SLC36A1: variants seen among roughly 807,000 people sequenced by gnomAD.
SLC36A1 encodes proton-coupled amino acid transporter 1.
SLC36A1 carries 30 observed loss-of-function variants against 47.5 expected under a neutral mutation model. The observed-to-expected ratio is 0.63, with a 90% CI of 0.47 to 0.86. The LOEUF (loss-of-function observed/expected upper bound fraction) is 0.86. Among genes scored for constraint, SLC36A1 ranks in the 40% least tolerant of loss-of-function variants. The pLI is 0.00. For missense variants in SLC36A1, 517 were observed against 606.0 expected, an observed-to-expected ratio of 0.85 and a Z score of 1.54; for synonymous variants, 255 against 249.7, an observed-to-expected ratio of 1.02 and a Z score of -0.20.
the SLC36A1 span, among the ~76,000 whole-genome samples, chr5:151,426,296 T>A: frequency 6.6e-6 from 1 of 151,464 alleles, no homozygotes; most frequent in Admixed American, 6.6e-5. Context: ...ATGGAGGACC[T>A]GCGCCAGCAC....
chr5:151,466,205 T>A (rs552561138), intron 5 of SLC36A1, among the ~76,000 whole-genome samples: 42 of 152,308 alleles, frequency 2.8e-4, no homozygotes, highest in African/African-American at 8.4e-4. Flanking sequence ...TTTCCTTCCT[T>A]CCTTTTAATA....
intron 7 of SLC36A1, among the ~76,000 whole-genome samples, chr5:151,471,115 C>T (rs1422063682): frequency 6.6e-6 from 1 of 152,180 alleles, no homozygotes; most frequent in Non-Finnish European, 1.5e-5. Flanking sequence ...ATCATTGATA[C>T]ATTCTTAGAA....
At chr5:151,521,764 G>A in the SLC36A1 span, 2 of 1,614,130 alleles carry the variant, frequency 1.2e-6, no homozygotes, top group Non-Finnish European at 1.7e-6. Context: ...AGCAGTCGTG[G>A]TGAAGGTCCC....
chr5:151,354,762 A>G, the SLC36A1 span, among the ~76,000 whole-genome samples: 82,332 of 152,006 alleles, frequency 0.54, 25,296 homozygotes, highest in African/African-American at 0.85. Flanking sequence ...TCTAGATTGG[A>G]ACCCCTGCAC....
At chr5:151,465,853 T>C (rs1474581482) in intron 5 of SLC36A1, among the ~76,000 whole-genome samples, 1 of 152,040 alleles carries the variant, frequency 6.6e-6, no homozygotes, top group Non-Finnish European at 1.5e-5. Flanking sequence ...AATTTCTCGT[T>C]ATGGTAACTC....
chr5:151,440,970 C>T (rs1382787404), intron 1 of SLC36A1, among the ~76,000 whole-genome samples: 1 of 152,228 alleles, frequency 6.6e-6, no homozygotes, highest in Non-Finnish European at 1.5e-5. Flanking sequence ...CACGAGAGAG[C>T]ATCAGACTCT....
At chr5:151,447,515 A>G (rs62377526), upstream of SLC36A1, 35,344 of 152,258 alleles carry the variant, frequency 0.23, 4,427 homozygotes, top group African/African-American at 0.31. Flanking sequence ...TGTGGAGCAG[A>G]GCTCCGGAGC....
chr5:151,455,835 T>C (rs536454126), intron 1 of SLC36A1, among the ~76,000 whole-genome samples: 2 of 152,216 alleles, frequency 1.3e-5, no homozygotes, highest in Admixed American at 1.3e-4. Flanking sequence ...ACAAAGTGAC[T>C]TGACAGGAAT....
At chr5:151,417,161 T>C in the SLC36A1 span, among the ~76,000 whole-genome samples, 16 of 152,196 alleles carry the variant, frequency 1.1e-4, no homozygotes, top group African/African-American at 3.1e-4. Context: ...ACCGAGGTAG[T>C]GGAGCACTGC....
the SLC36A1 span, among the ~76,000 whole-genome samples, chr5:151,352,069 T>TA: frequency 9.2e-5 from 14 of 152,358 alleles, no homozygotes; most frequent in African/African-American, 3.4e-4. Context: ...CCTCCTTGGA[T>TA]ACTGCATTTG....
At chr5:151,477,607 T>C (rs780157822) in intron 9 of SLC36A1, 3 of 152,276 alleles carry the variant, frequency 2.0e-5, no homozygotes, top group East Asian at 1.9e-4. Flanking sequence ...TTTTATATTC[T>C]TTTTCAGTTG....
At chr5:151,525,989 G>A in the SLC36A1 span, 1 of 1,611,318 alleles carries the variant, frequency 6.2e-7, no homozygotes. Context: ...TGACAAAGAA[G>A]GCAAAGAGCA....
At chr5:151,505,727 C>T in the SLC36A1 span, 1 of 1,613,954 alleles carries the variant, frequency 6.2e-7, no homozygotes, top group South Asian at 1.1e-5. Flanking sequence ...TACCCACCCC[C>T]TTGTAGCCCC....
the SLC36A1 span, among the ~76,000 whole-genome samples, chr5:151,346,813 A>G: frequency 1.3e-5 from 2 of 152,186 alleles, no homozygotes; most frequent in South Asian, 2.1e-4. Context: ...AGAGTCATCT[A>G]TGCTTCTCAG....
chr5:151,443,673 A>C (rs1752758226), upstream of SLC36A1, among the ~76,000 whole-genome samples: 1 of 152,178 alleles, frequency 6.6e-6, no homozygotes, highest in Non-Finnish European at 1.5e-5. Flanking sequence ...AGTTTGATAT[A>C]GTCCTATTTA....
the SLC36A1 span, chr5:151,542,871 C>G: frequency 6.2e-7 from 1 of 1,614,090 alleles, no homozygotes. Context: ...CCATGGGCTT[C>G]CTCACCTTTA....
At chr5:151,555,350 T>TTACTA in the SLC36A1 span, among the ~76,000 whole-genome samples, 77 of 151,842 alleles carry the variant, frequency 5.1e-4, no homozygotes, top group African/African-American at 1.9e-3. Flanking sequence ...TAGCTACTTC[T>TTACTA]TACTAATAAT....
the SLC36A1 span, among the ~76,000 whole-genome samples, chr5:151,555,293 G>A: frequency 6.6e-6 from 1 of 151,696 alleles, no homozygotes; most frequent in Non-Finnish European, 1.5e-5. Context: ...ATCTGTTACT[G>A]AACTGTGGAG....
At chr5:151,512,640 C>G in the SLC36A1 span, 15 of 1,541,200 alleles carry the variant, frequency 9.7e-6, no homozygotes, top group Admixed American at 1.2e-4. This position sits in a 1 kb window ranked among gnomAD's most constrained non-coding sequence, Gnocchi z 4.1. Flanking sequence ...ATCAGCAAAG[C>G]CAAGGAGTCC....
Sources: allele counts gnomAD v4.1 joint callset (sites outside exome capture counted in the v4.1 genomes callset), GRCh38; gene constraint gnomAD v4.1.1; non-coding constraint Gnocchi (gnomAD v3.1); transcripts MANE v1.5; gene names NCBI Gene and HGNC (gene_info 2026-07-23, HGNC 2026-07-21).